The following MACF1 variants were observed in gnomAD, a reference collection of about 807,000 sequenced individuals.
MACF1 encodes the protein microtubule actin crosslinking factor 1.
MACF1 carries 193 observed loss-of-function variants against 854.8 expected under a neutral mutation model. That is an observed-to-expected ratio of 0.23 (90% CI 0.20 to 0.25). The LOEUF (loss-of-function observed/expected upper bound fraction) is 0.25, where lower values mean the gene tolerates loss of function less well. Ranked by LOEUF, MACF1 falls within the 10% of genes least tolerant of loss-of-function variation. The probability of loss-of-function intolerance (pLI) is 1.00; values close to 1 mark genes in which losing one functional copy is unlikely to be tolerated. For synonymous variants in MACF1, 3,185 were observed against 3,226.7 expected (o/e 0.99, Z 0.44); for missense variants, 7,722 against 8,929.1 (o/e 0.86, Z 5.45).
chr1:39,304,303 G>C (rs535591271), intron 23 of MACF1: 4 of 650,498 alleles, frequency 6.1e-6, no homozygotes, highest in Non-Finnish European at 1.1e-5. Context: ...TTCACTCTAC[G>C]TGCTTTCCAA....
At chr1:39,389,358 T>G (rs1402579257) in intron 58 of MACF1, among the ~76,000 whole-genome samples, 22 of 123,118 alleles carry the variant, frequency 1.8e-4, no homozygotes, top group Admixed American at 1.0e-3. Context: ...TGTGTTTTTT[T>G]TTTTTTTTTT....
intron 56 of MACF1, among the ~76,000 whole-genome samples, chr1:39,383,721 C>G (rs1650445287): frequency 6.6e-6 from 1 of 151,772 alleles, no homozygotes; most frequent in Non-Finnish European, 1.5e-5. Context: ...ACTAAAAATA[C>G]AAAAAATTAG....
At position 39,291,972 on chromosome 1, in the gene MACF1, A is replaced by C. The variant is rs754044875; in HGVS notation, c.1848A>C (p.Thr616=). Reference sequence around the variant, plus strand: ...CTAGTGTGGAGTTGCAGCTAGAAACACAGCAGCACATCCATACGAGTGTAG... The same window carrying C: ...CTAGTGTGGAGTTGCAGCTAGAAACCCAGCAGCACATCCATACGAGTGTAG... The part of the protein sequence containing the change: ...DLPSVELQLE[T]QQHIHTSVEE... Residue 616 remains threonine, a synonymous_variant, in exon 16 of 101, where the codon ACA becomes ACC. Coordinates refer to ENST00000564288, the MANE Select transcript of MACF1 (RefSeq NM_001394062.1). 18 of 1,613,966 alleles carry C rather than the reference A, an allele frequency of 1.1e-5. No individual in the cohort carries two copies. The highest frequency in any genetic ancestry group is 5.3e-5 in the African/African-American group (4 of 74,934).
intron 5 of MACF1, among the ~76,000 whole-genome samples, chr1:39,255,448 G>A (rs1177174071): frequency 6.6e-6 from 1 of 152,176 alleles, no homozygotes; most frequent in Non-Finnish European, 1.5e-5. Context: ...GATATCTAGG[G>A]TTGCCAAGCA....
In MACF1 at chr1:39,334,929, G is replaced by T. The variant is rs201153897; in HGVS notation, c.8341G>T (p.Val2781Leu). Residue 2781 changes from valine (V) to leucine (L), a missense_variant, in exon 37 of 101, where the codon GTG becomes TTG. Physicochemically the swap from Val to Leu is conservative, Grantham distance 32 (BLOSUM62 1). Transcript: ENST00000564288. ...GATTGAAAAGCAAGAAGGGATTGAA[G>T]TGTGTGCATTACAAAATGAATTTCT... ...AQIEKQEGIE[V>L]CALQNEFLGK... is the part of the protein sequence containing the mutation. 6.2e-7 allele frequency: 1 copy of T among 1,614,072 alleles called. No homozygotes were observed. The highest frequency in any genetic ancestry group is 1.3e-5 in the African/African-American group (1 of 74,946).
intron 23 of MACF1, 75 bp from the exon 24 acceptor site, chr1:39,309,495 A>G (rs928610334): frequency 1.3e-6 from 2 of 1,565,418 alleles, no homozygotes; most frequent in East Asian, 2.3e-5. Flanking sequence ...AGGCAATCAC[A>G]TTTTTCCTTA....
At position 39,485,683 on chromosome 1, in the gene MACF1, T is replaced by C. The variant is rs757884158; in HGVS notation, c.22557T>C (p.Ala7519=). Reference sequence around the variant, plus strand: ...GTTCCGACACTTCAGAAAGCAGCGCTGCAGGGGGCCAAGGCAACTCCAGGA... The same window carrying C: ...GTTCCGACACTTCAGAAAGCAGCGCCGCAGGGGGCCAAGGCAACTCCAGGA... The part of the protein sequence containing the change: ...SACSDTSESS[A]AGGQGNSRRG... Residue 7519 remains alanine, a synonymous_variant, in exon 101 of 101, where the codon GCT becomes GCC. Transcript: ENST00000564288. The C allele has an allele frequency of 1.2e-6, 2 of 1,614,100 alleles. No individual in the cohort carries two copies. Among genetic ancestry groups the C allele is most frequent in the Non-Finnish European group, 1.7e-6 (2 of 1,180,010 alleles).
At chr1:39,289,233 CT>C (rs1439781584) in intron 15 of MACF1, among the ~76,000 whole-genome samples, 1 of 152,158 alleles carries the variant, frequency 6.6e-6, no homozygotes, top group Non-Finnish European at 1.5e-5. Context: ...CACTGATTTC[CT>C]TTCTTTTGAG....
intron 61 of MACF1, among the ~76,000 whole-genome samples, chr1:39,426,850 T>G (rs1378146049): frequency 6.6e-6 from 1 of 152,160 alleles, no homozygotes; most frequent in Non-Finnish European, 1.5e-5. Flanking sequence ...TTTGTTTTTT[T>G]GCCTTAAATC....
chr1:39,442,648 A>G (rs1006447213), intron 77 of MACF1, 66 bp from the exon 78 acceptor site: 5 of 1,608,664 alleles, frequency 3.1e-6, no homozygotes, highest in East Asian at 2.2e-5. Flanking sequence ...AATGTTGTGT[A>G]TATCTTAAGA....
chr1:39,332,206 C>T lies in MACF1; in HGVS notation c.5618C>T (p.Thr1873Ile), dbSNP rs1359350342. 6.2e-7 allele frequency: 1 copy of T among 1,613,952 alleles called. No individual in the cohort carries two copies. Among genetic ancestry groups the T allele is most frequent in the Non-Finnish European group, 8.5e-7 (1 of 1,180,034 alleles). ...TDALEQGIVS[T>I]ELAHKILSNR... ...GCCCTAGAACAAGGTATTGTGTCTA[C>T]TGAACTAGCACATAAAATCCTTAGT... is the stretch of plus-strand genomic sequence containing the variant. Residue 1873 changes from threonine (T) to isoleucine (I), a missense_variant, in exon 37 of 101, where the codon ACT (threonine) becomes ATT (isoleucine). Thr to Ile is a moderately conservative substitution (Grantham distance 89). Transcript: ENST00000564288.
chr1:39,271,873 CTG>C (rs1210654036), intron 6 of MACF1, among the ~76,000 whole-genome samples: 1 of 152,162 alleles, frequency 6.6e-6, no homozygotes, highest in Non-Finnish European at 1.5e-5. Flanking sequence ...CTGCATGAGT[CTG>C]TGAGGAGTCT....
chr1:39,395,593 A>G (rs953641576), intron 58 of MACF1, among the ~76,000 whole-genome samples: 1 of 152,180 alleles, frequency 6.6e-6, no homozygotes, highest in Non-Finnish European at 1.5e-5. Flanking sequence ...TTGTGGACAT[A>G]CTTCAGGGAG....
rs760458101 is a variant in MACF1 at position 39,357,606 on chromosome 1, C to T, written c.11656C>T (p.His3886Tyr). 3.7e-6 allele frequency: 6 copies of T among 1,613,952 alleles called. No homozygotes were observed. In the Admixed American group the frequency reaches 1.0e-4, roughly 27 times the overall value. ...QDELQKFLQDHKEFESWLERS... is the reference protein window; with the variant it reads ...QDELQKFLQDYKEFESWLERS... ...TGAGTTGCAGAAATTTCTGCAGGAT[C>T]ATAAAGAGTTTGAAAGCTGGTTGGA... is the stretch of plus-strand genomic sequence containing the variant. Residue 3886 changes from histidine to tyrosine, a missense_variant, in exon 45 of 101, where the codon CAT becomes TAT. Around this residue, in one of 15 missense-constraint regions of MACF1, gnomAD observed 2,807 missense variants for 3,235.8 expected, o/e 0.87. Coordinates refer to ENST00000564288, the MANE Select transcript of MACF1 (RefSeq NM_001394062.1).
rs765834661 is a variant in MACF1 at position 39,413,923 on chromosome 1, G to C, written c.15817-8451G>C. The C allele has an allele frequency of 2.4e-5, 38 of 1,605,762 alleles. 1 individual carries two copies. The Middle Eastern group carries it at 1.0e-3, about 42-fold the overall frequency. ...CCTAGAGGAATTCACTTCCCCGGCA[G>C]CTTCAGTGCCCACCTCTGAGGAGCC... On this transcript the variant is annotated intron_variant, in intron 58 of 100. Coordinates refer to ENST00000564288, the MANE Select transcript of MACF1 (RefSeq NM_001394062.1).
chr1:39,210,460 A>G (rs550659054), intron 1 of MACF1, among the ~76,000 whole-genome samples: 33 of 150,694 alleles, frequency 2.2e-4, no homozygotes, highest in Non-Finnish European at 4.0e-4. Flanking sequence ...TTAGCCTCCC[A>G]AGTAGCTGGG....
intron 80 of MACF1, among the ~76,000 whole-genome samples, chr1:39,446,914 G>A (rs1644242698): frequency 6.6e-6 from 1 of 152,036 alleles, no homozygotes; most frequent in African/African-American, 2.4e-5. Flanking sequence ...TCTTCTTATA[G>A]CATAAGCATA....
At chr1:39,450,304 A>T (rs1365554167) in intron 84 of MACF1, among the ~76,000 whole-genome samples, 1 of 149,166 alleles carries the variant, frequency 6.7e-6, no homozygotes, top group Non-Finnish European at 1.5e-5. Flanking sequence ...CTGTACTCCA[A>T]TTTTTTTTTT....
chr1:39,463,801 C>T (rs949135458), intron 94 of MACF1, 115 bp downstream of exon 94: 15 of 828,416 alleles, frequency 1.8e-5, no homozygotes, highest in Non-Finnish European at 3.0e-5. Flanking sequence ...GATGTGGTCA[C>T]TCTCTGACCT....
Sources: gnomAD v4.1 joint callset for allele counts (sites outside exome capture counted in the v4.1 genomes callset) on GRCh38, gnomAD v4.1.1 for gene constraint, gnomAD v4.1.1 regional missense constraint, MANE v1.5 for transcripts, NCBI Gene and HGNC (gene_info 2026-07-23, HGNC 2026-07-21) for gene names.